Variants in TENT2 observed in about 807,000 individuals in gnomAD.
TENT2 encodes the protein poly(A) RNA polymerase GLD2.
A neutral mutation model predicts 72.2 loss-of-function variants in TENT2; 44 were observed. That is an observed-to-expected ratio of 0.61 (90% CI 0.48 to 0.78). The LOEUF (loss-of-function observed/expected upper bound fraction) is 0.78. Among genes scored for constraint, TENT2 ranks in the 30% least tolerant of loss-of-function variants. TENT2 has a pLI of 0.00. For missense variants in TENT2, 541 were observed against 569.6 expected (o/e 0.95, Z 0.51); for synonymous variants, 212 against 192.5 (o/e 1.10, Z -0.84).
At chr5:79,619,349 A>G (rs1270698298) in intron 1 of TENT2, among the ~76,000 whole-genome samples, 1 of 152,200 alleles carries the variant, frequency 6.6e-6, no homozygotes, top group African/African-American at 2.4e-5. Context: ...TGTTGATACG[A>G]GGGTAAAAGT....
intron 8 of TENT2, among the ~76,000 whole-genome samples, chr5:79,645,618 T>G (rs1017579890): frequency 6.6e-6 from 1 of 152,164 alleles, no homozygotes; most frequent in African/African-American, 2.4e-5. Flanking sequence ...GTAATAGATA[T>G]GAAAGGAAAA....
At chr5:79,629,817 ACT>A (rs200961944) in intron 4 of TENT2, among the ~76,000 whole-genome samples, 29,919 of 137,342 alleles carry the variant, frequency 0.22, 4,374 homozygotes, top group African/African-American at 0.44. Flanking sequence ...ACAGAGTGAG[ACT>A]CTGTCTCAAA....
At chr5:79,682,559 A>G (rs1240616455) in intron 14 of TENT2, among the ~76,000 whole-genome samples, 1 of 150,878 alleles carries the variant, frequency 6.6e-6, no homozygotes, top group South Asian at 2.1e-4. Context: ...TGCTGGTATT[A>G]CAGGCATGAG....
At chr5:79,662,696 G>C (rs564571824) in intron 11 of TENT2, among the ~76,000 whole-genome samples, 4 of 152,088 alleles carry the variant, frequency 2.6e-5, no homozygotes, top group Non-Finnish European at 5.9e-5. Context: ...TGTCATCAAG[G>C]CTTTGTTTTT....
intron 4 of TENT2, among the ~76,000 whole-genome samples, chr5:79,634,512 T>G (rs1485653077): frequency 6.6e-6 from 1 of 151,950 alleles, no homozygotes; most frequent in African/African-American, 2.4e-5. Flanking sequence ...GATTTTTTTG[T>G]ATTTTTAGTA....
chr5:79,641,051 C>A, intron 5 of TENT2, 54 bp from the exon 6 acceptor site: 1 of 1,484,738 alleles, frequency 6.7e-7, no homozygotes, highest in South Asian at 1.3e-5. Context: ...GGCACAGAAC[C>A]ATGCACCTAC....
chr5:79,676,048 T>G (rs1817014104), intron 12 of TENT2, among the ~76,000 whole-genome samples: 1 of 152,062 alleles, frequency 6.6e-6, no homozygotes, highest in Non-Finnish European at 1.5e-5. Flanking sequence ...TTTGAAATTC[T>G]TAACCAAGTT....
intron 11 of TENT2, among the ~76,000 whole-genome samples, chr5:79,666,393 T>C (rs1027416981): frequency 1.3e-5 from 2 of 151,222 alleles, no homozygotes; most frequent in African/African-American, 4.9e-5. Context: ...TTTTTTGCGA[T>C]AAGGTCTTGC....
At chr5:79,643,689 AATT>A (rs1420979216) in intron 7 of TENT2, among the ~76,000 whole-genome samples, 1 of 152,172 alleles carries the variant, frequency 6.6e-6, no homozygotes, top group East Asian at 1.9e-4. Context: ...CTGCATTCTG[AATT>A]ATTCTGTAAA....
At chr5:79,672,372 A>G (rs936957910) in intron 12 of TENT2, among the ~76,000 whole-genome samples, 3 of 152,226 alleles carry the variant, frequency 2.0e-5, no homozygotes, top group Non-Finnish European at 4.4e-5. Flanking sequence ...ATTATTGACT[A>G]TAGTCACCCA....
intron 3 of TENT2, among the ~76,000 whole-genome samples, chr5:79,622,786 T>C (rs116028537): frequency 0.018 from 2,769 of 152,312 alleles, 94 homozygotes; most frequent in African/African-American, 0.062. Flanking sequence ...TCCAATGTCT[T>C]TATAGCTTTA....
intron 11 of TENT2, among the ~76,000 whole-genome samples, chr5:79,661,577 A>G (rs1175468518): frequency 6.6e-6 from 1 of 152,228 alleles, no homozygotes; most frequent in East Asian, 1.9e-4. Flanking sequence ...CACTTACACT[A>G]TCATGTAGTC....
At chr5:79,668,538 A>G (rs1045041928) in intron 11 of TENT2, among the ~76,000 whole-genome samples, 1 of 152,166 alleles carries the variant, frequency 6.6e-6, no homozygotes, top group Non-Finnish European at 1.5e-5. Context: ...TGTAGGAATA[A>G]TTAAGAATGA....
intron 11 of TENT2, among the ~76,000 whole-genome samples, chr5:79,667,954 A>G (rs1809746812): frequency 6.6e-6 from 1 of 151,726 alleles, no homozygotes; most frequent in Admixed American, 6.6e-5. Context: ...TTAACGAAAA[A>G]AAAAAATCCA....
chr5:79,666,566 A>AT (rs1244132042), intron 11 of TENT2, among the ~76,000 whole-genome samples: 4 of 151,058 alleles, frequency 2.6e-5, no homozygotes, highest in African/African-American at 4.9e-5. Flanking sequence ...TAATCTTTCT[A>AT]TTTTTTTTAG....
intron 13 of TENT2, among the ~76,000 whole-genome samples, chr5:79,679,981 T>C (rs775417764): frequency 5.3e-5 from 8 of 152,204 alleles, no homozygotes; most frequent in African/African-American, 9.6e-5. Flanking sequence ...GTGATTCTTA[T>C]ATTGACATAA....
chr5:79,623,324 A>C lies in TENT2; in HGVS notation c.300A>C (p.Pro100=). The change falls in exon 4 of 15, where the codon CCA becomes CCC. Residue 100 remains proline (P), a synonymous_variant. Transcript: ENST00000453514. ...GTTTCCATTCACCCCACCAAGAGCC[A>C]ACTGTAGTTAACCAGATAGTGCCTT... The part of the protein sequence containing the change: ...RQRFHSPHQE[P]TVVNQIVPLS... The C allele has an allele frequency of 6.2e-7, 1 of 1,613,732 alleles. No homozygotes were observed. Among genetic ancestry groups the C allele is most frequent in the Non-Finnish European group, 8.5e-7 (1 of 1,179,778 alleles).
chr5:79,617,466 A>C (rs1761180695), intron 1 of TENT2: 1 of 152,140 alleles, frequency 6.6e-6, no homozygotes, highest in Non-Finnish European at 1.5e-5. Flanking sequence ...CTACTCTGTT[A>C]ACAGAACTTA....
chr5:79,681,773 C>A, intron 13 of TENT2: 2 of 419,138 alleles, frequency 4.8e-6, no homozygotes, highest in African/African-American at 2.0e-5. Flanking sequence ...CACCCTCTCC[C>A]TTGAATTCTA....
Sources: allele counts gnomAD v4.1 joint callset (sites outside exome capture counted in the v4.1 genomes callset), GRCh38; gene constraint gnomAD v4.1.1; transcripts MANE v1.5; gene names NCBI Gene and HGNC (gene_info 2026-07-23, HGNC 2026-07-21).